Variants in CRTAC1 observed in about 807,000 individuals in gnomAD.
CRTAC1 encodes cartilage acidic protein 1, also known as acidic secreted protein in cartilage.
CRTAC1 carries 37 observed loss-of-function variants against 67.8 expected under a neutral mutation model. That is an observed-to-expected ratio of 0.55 (90% CI 0.42 to 0.72). The LOEUF (loss-of-function observed/expected upper bound fraction) is 0.72, where lower values mean the gene tolerates loss of function less well. Ranked by LOEUF, CRTAC1 falls within the 30% of genes least tolerant of loss-of-function variation. CRTAC1 has a pLI of 0.00. For missense variants in CRTAC1, 780 were observed against 931.6 expected (o/e 0.84, Z 2.12); for synonymous variants, 348 against 371.0 (o/e 0.94, Z 0.71).
intron 2 of CRTAC1, among the ~76,000 whole-genome samples, chr10:98,007,870 G>A (rs903930731): frequency 1.1e-4 from 16 of 152,146 alleles, no homozygotes; most frequent in African/African-American, 3.9e-4. Flanking sequence ...TCTTGAAAGA[G>A]AAAGAGAAAA....
chr10:97,988,951 A>G (rs2052029369), intron 2 of CRTAC1, among the ~76,000 whole-genome samples: 1 of 152,240 alleles, frequency 6.6e-6, no homozygotes, highest in Non-Finnish European at 1.5e-5. Context: ...GACTCAGTAA[A>G]GTAGATTGCC....
At chr10:98,010,220 A>G (rs1483400479) in intron 2 of CRTAC1, among the ~76,000 whole-genome samples, 1 of 151,996 alleles carries the variant, frequency 6.6e-6, no homozygotes, top group African/African-American at 2.4e-5. Context: ...TTGTATTTTT[A>G]GTAGAGACGG....
intron 2 of CRTAC1, among the ~76,000 whole-genome samples, chr10:97,971,327 A>G (rs1474618171): frequency 6.6e-6 from 1 of 152,242 alleles, no homozygotes; most frequent in Non-Finnish European, 1.5e-5. Context: ...TCAGCCTTAA[A>G]TAGGAAGGAA....
At chr10:97,983,117 A>T (rs781278644) in intron 2 of CRTAC1, among the ~76,000 whole-genome samples, 54 of 152,262 alleles carry the variant, frequency 3.5e-4, no homozygotes, top group Non-Finnish European at 6.0e-4. Flanking sequence ...AGTATGAAAC[A>T]TGCCAAAGGG....
intron 2 of CRTAC1, among the ~76,000 whole-genome samples, chr10:97,979,670 T>G (rs1250004058): frequency 6.6e-6 from 1 of 152,186 alleles, no homozygotes; most frequent in African/African-American, 2.4e-5. Context: ...GCGGTGGTTC[T>G]CAGCCCTGGC....
In CRTAC1 at chr10:97,880,620, C is replaced by G. The variant is rs141519372; in HGVS notation, c.1676-228G>C. Among the ~76,000 whole-genome samples the G allele has an allele frequency of 5.0e-3, 758 of 152,298 alleles. 13 individuals carry two copies. The highest frequency in any genetic ancestry group is 0.017 in the African/African-American group (720 of 41,546). On this transcript the variant is annotated intron_variant, in intron 13 of 14. Coordinates refer to ENST00000370597, the MANE Select transcript of CRTAC1 (RefSeq NM_018058.7). ...CCTGGGTCCTCTCTTCTGTCTACTA[C>G]AATCGTTCTAGGTGATCTCTTCATG...
intron 2 of CRTAC1, among the ~76,000 whole-genome samples, chr10:98,002,925 C>G (rs2136685882): frequency 6.6e-6 from 1 of 150,852 alleles, no homozygotes; most frequent in South Asian, 2.1e-4. Context: ...ACTACAGGCG[C>G]CCGCCACCAC....
intron 5 of CRTAC1, among the ~76,000 whole-genome samples, chr10:97,910,183 T>C (rs1396040971): frequency 6.6e-6 from 1 of 152,254 alleles, no homozygotes; most frequent in Non-Finnish European, 1.5e-5. Flanking sequence ...TTGAACTTGC[T>C]AAGAGAGTAG....
chr10:98,011,370 A>G (rs751481361), intron 1 of CRTAC1, 33 bp from the exon 2 acceptor site: 5 of 1,611,254 alleles, frequency 3.1e-6, no homozygotes, highest in Non-Finnish European at 4.2e-6. Flanking sequence ...TTACCGAAAG[A>G]ACCTGTAACC....
chr10:97,960,695 G>A (rs1238273613), intron 2 of CRTAC1, among the ~76,000 whole-genome samples: 1 of 152,160 alleles, frequency 6.6e-6, no homozygotes, highest in African/African-American at 2.4e-5. Flanking sequence ...ATCCACCTTT[G>A]GGGCATGATT....
At chr10:97,904,300 G>A (rs745498759) in intron 7 of CRTAC1, among the ~76,000 whole-genome samples, 1 of 152,208 alleles carries the variant, frequency 6.6e-6, no homozygotes, top group African/African-American at 2.4e-5. Context: ...GGCCCTGAGA[G>A]CCTTGAGCCC....
chr10:98,024,724 T>TAAAGAG (rs1471705500), intron 1 of CRTAC1, among the ~76,000 whole-genome samples: 1 of 145,412 alleles, frequency 6.9e-6, no homozygotes, highest in Non-Finnish European at 1.5e-5. Context: ...GACCTTTCTC[T>TAAAGAG]AAAGAGAATG....
intron 11 of CRTAC1, 81 bp from the exon 12 acceptor site, chr10:97,884,432 T>C: frequency 7.8e-7 from 1 of 1,287,276 alleles, no homozygotes. Flanking sequence ...AACTAATTCA[T>C]CCATTGAATA....
At chr10:97,986,056 G>C (rs2051977426) in intron 2 of CRTAC1, among the ~76,000 whole-genome samples, 1 of 152,180 alleles carries the variant, frequency 6.6e-6, no homozygotes, top group Non-Finnish European at 1.5e-5. Flanking sequence ...AGCGATCAAA[G>C]CTGCAATGTG....
intron 5 of CRTAC1, among the ~76,000 whole-genome samples, chr10:97,914,640 C>T (rs1007977662): frequency 6.6e-6 from 1 of 152,182 alleles, no homozygotes; most frequent in African/African-American, 2.4e-5. Flanking sequence ...GTCACTGGGG[C>T]CTGGACCGCG....
rs769608685 is a variant in CRTAC1 at position 97,904,668 on chromosome 10, C to A, written c.996+1G>T. Reference sequence around the variant, plus strand: ...ACTCCTGGGGTGAGGCCCCTTCTTACCCGGAAGCGGACCTTCCCATGGGTG... The same window carrying A: ...ACTCCTGGGGTGAGGCCCCTTCTTAACCGGAAGCGGACCTTCCCATGGGTG... On this transcript the variant is annotated splice_donor_variant, in intron 7 of 14. Transcript: ENST00000370597. LOFTEE classifies it high-confidence loss of function. The A allele has an allele frequency of 6.5e-7, 1 of 1,540,076 alleles. No individual in the cohort carries two copies. The highest frequency in any genetic ancestry group is 2.1e-5 in the Admixed American group (1 of 46,686).
chr10:97,871,753 A>G (rs1238728842), intron 14 of CRTAC1, among the ~76,000 whole-genome samples: 1 of 152,194 alleles, frequency 6.6e-6, no homozygotes, highest in African/African-American at 2.4e-5. Flanking sequence ...CACAAGAGTG[A>G]GACGTGGGAG....
chr10:97,885,179 G>A (rs1257844765), intron 11 of CRTAC1, among the ~76,000 whole-genome samples: 1 of 152,226 alleles, frequency 6.6e-6, no homozygotes, highest in African/African-American at 2.4e-5. Context: ...TTAGGGAGGC[G>A]GCATTTGCAC....
At chr10:97,937,030 GA>G (rs1460193659) in intron 2 of CRTAC1, among the ~76,000 whole-genome samples, 5 of 152,204 alleles carry the variant, frequency 3.3e-5, no homozygotes, top group Non-Finnish European at 5.9e-5. Context: ...TAAACAAAAG[GA>G]TGAAGTTTGC....
Sources: allele counts gnomAD v4.1 joint callset (sites outside exome capture counted in the v4.1 genomes callset), GRCh38; gene constraint gnomAD v4.1.1; transcripts MANE v1.5; gene names NCBI Gene and HGNC (gene_info 2026-07-23, HGNC 2026-07-21).